The following CD99L2 variants were observed in gnomAD, a reference collection of about 807,000 sequenced individuals.
CD99L2 encodes the protein CD99 molecule like 2, also known as CD99 antigen-like protein 2.
In CD99L2, 24 loss-of-function variants were observed where a neutral mutation model predicts 27.3. The ratio of observed to expected loss-of-function variants is 0.88; its 90% CI spans 0.64 to 1.24. CD99L2 has a LOEUF of 1.24. Ranked by LOEUF, CD99L2 falls within the 50% of genes most tolerant of loss-of-function variation. The pLI is 0.00. For synonymous variants in CD99L2, 97 were observed against 87.9 expected (o/e 1.10, Z -0.58); for missense variants, 255 against 221.6 (o/e 1.15, Z -0.96).
chrX:150,771,652 G>C (rs1368806002), intron 9 of CD99L2, among the ~76,000 whole-genome samples: 1 of 112,380 alleles, frequency 8.9e-6, no homozygotes, highest in Non-Finnish European at 1.9e-5. Flanking sequence ...CACGCATCAG[G>C]GTAAGCTAAA....
At position 150,769,012 on chromosome X, in the gene CD99L2, T is replaced by C. The variant is rs782198378; in HGVS notation, c.*22A>G. On this transcript the variant is annotated 3_prime_UTR_variant, in exon 11 of 11. Coordinates refer to ENST00000370377, the MANE Select transcript of CD99L2 (RefSeq NM_031462.4). Reference sequence around the variant, plus strand: ...TGACAAGCGGTGGCACCATTGTGCATGCCTGCAGCTGGACAGGGCCCTCAG... The same window carrying C: ...TGACAAGCGGTGGCACCATTGTGCACGCCTGCAGCTGGACAGGGCCCTCAG... 3 of 1,139,977 alleles carry C rather than the reference T, an allele frequency of 2.6e-6. No individual in the cohort carries two copies. Among genetic ancestry groups the C allele is most frequent in the Non-Finnish European group, 3.4e-6 (3 of 870,217 alleles). 93.9% of individuals were successfully genotyped at this position (1,139,977 alleles called of 1,213,427 possible).
At chrX:150,863,554 G>C (rs2047011687) in intron 1 of CD99L2, among the ~76,000 whole-genome samples, 1 of 111,583 alleles carries the variant, frequency 9.0e-6, no homozygotes, top group African/African-American at 3.3e-5. Context: ...CTCATGATTG[G>C]GGCATGAGCA....
In CD99L2 at chrX:150,834,635, T is replaced by C. The variant is rs1386960927; in HGVS notation, c.68-3342A>G. 8.0e-5 allele frequency among the ~76,000 whole-genome samples: 9 copies of C among 112,519 alleles called. No individual in the cohort carries two copies. In the East Asian group the frequency reaches 2.5e-3, roughly 31 times the overall value. On this transcript the variant is annotated intron_variant, in intron 1 of 10. Transcript: ENST00000370377. ...ACACTTGCACAAGTTGTTAGGAATG[T>C]AAATTAGTATAGCCATTTTGGAGAA...
intron 2 of CD99L2, chrX:150,818,783 G>A (rs782805953): frequency 1.2e-4 from 36 of 293,977 alleles, no homozygotes; most frequent in Middle Eastern, 7.0e-4. Context: ...TGACACCGTC[G>A]CTGTCTAAGG....
intron 1 of CD99L2, among the ~76,000 whole-genome samples, chrX:150,861,979 A>T (rs1440652226): frequency 9.0e-6 from 1 of 110,866 alleles, no homozygotes. Flanking sequence ...AAAATCTAGA[A>T]GAAATGGATA....
At chrX:150,815,554 T>C (rs1296095409) in intron 3 of CD99L2, among the ~76,000 whole-genome samples, 13 of 111,916 alleles carry the variant, frequency 1.2e-4, no homozygotes, top group Admixed American at 4.7e-4. Context: ...AATCGTAAAG[T>C]GGCCCATCTG....
chrX:150,789,539 A>G (rs1021536626), intron 7 of CD99L2, among the ~76,000 whole-genome samples: 15 of 112,010 alleles, frequency 1.3e-4, no homozygotes. Context: ...TTCATAGAAC[A>G]AAAGTATAAA....
In CD99L2 at chrX:150,786,767, T is replaced by C. The variant is rs782335828; in HGVS notation, c.496+6924A>G. ...ATTGCTGGCTCAAATGGTAATTCTGTTTTAAGTTCTTTGAGAAATCACCAA... is the reference window on the plus strand; with the variant it reads ...ATTGCTGGCTCAAATGGTAATTCTGCTTTAAGTTCTTTGAGAAATCACCAA... On this transcript the variant is annotated intron_variant, in intron 7 of 10. Coordinates refer to ENST00000370377, the MANE Select transcript of CD99L2 (RefSeq NM_031462.4). Among the ~76,000 whole-genome samples, 7 of 112,219 alleles carry C rather than the reference T, an allele frequency of 6.2e-5. No homozygotes were observed. The East Asian group carries it at 2.0e-3, about 31-fold the overall frequency.
chrX:150,794,216 T>C (rs1007118458), intron 6 of CD99L2, among the ~76,000 whole-genome samples: 4 of 111,517 alleles, frequency 3.6e-5, no homozygotes, highest in Admixed American at 9.5e-5. Flanking sequence ...ACCCGTCTGT[T>C]GGTCATTCTC....
At chrX:150,883,402 G>A (rs782812131) in intron 1 of CD99L2, among the ~76,000 whole-genome samples, 3 of 111,043 alleles carry the variant, frequency 2.7e-5, no homozygotes, top group Non-Finnish European at 5.7e-5. Context: ...TTAAAGGAAT[G>A]TAACAGAAAA....
At chrX:150,827,211 C>T (rs868911228) in intron 2 of CD99L2, among the ~76,000 whole-genome samples, 21 of 111,143 alleles carry the variant, frequency 1.9e-4, no homozygotes, top group Middle Eastern at 4.7e-3. Flanking sequence ...GCACAACGTG[C>T]AGAGAAGAAC....
At chrX:150,793,854 G>C (rs990084659) in intron 6 of CD99L2, 98 bp from the exon 7 acceptor site, 1 of 677,137 alleles carries the variant, frequency 1.5e-6, no homozygotes. Flanking sequence ...ATGATTCCCA[G>C]TTCCACTTAA....
chrX:150,771,590 C>A (rs1274517897), intron 9 of CD99L2, among the ~76,000 whole-genome samples: 1 of 112,036 alleles, frequency 8.9e-6, no homozygotes, highest in Non-Finnish European at 1.9e-5. Context: ...CTCCCCCCAC[C>A]CCTGCCACAT....
chrX:150,894,302 A>G (rs1557422986), intron 1 of CD99L2, among the ~76,000 whole-genome samples: 1 of 111,856 alleles, frequency 8.9e-6, no homozygotes, highest in Non-Finnish European at 1.9e-5. Context: ...GCTCACTTGG[A>G]GCCAGGTGCC....
chrX:150,845,068 G>A (rs913748658), intron 1 of CD99L2, among the ~76,000 whole-genome samples: 1 of 112,228 alleles, frequency 8.9e-6, no homozygotes, highest in East Asian at 2.8e-4. Flanking sequence ...AAGTCACTTC[G>A]TTGATGAGTT....
At chrX:150,816,123 A>G in intron 2 of CD99L2, 45 bp from the exon 3 acceptor site, 1 of 1,129,892 alleles carries the variant, frequency 8.9e-7, no homozygotes, top group East Asian at 3.0e-5. Flanking sequence ...GTTTAGTAAC[A>G]AAACACAGCA....
chrX:150,847,930 C>T (rs781962950), intron 1 of CD99L2, among the ~76,000 whole-genome samples: 2 of 111,328 alleles, frequency 1.8e-5, no homozygotes, highest in African/African-American at 6.5e-5. Flanking sequence ...GCCACAAGCA[C>T]CATCCTCCTG....
intron 7 of CD99L2, among the ~76,000 whole-genome samples, chrX:150,784,057 G>A (rs1406991553): frequency 4.5e-5 from 5 of 111,533 alleles, no homozygotes; most frequent in Non-Finnish European, 9.4e-5. Flanking sequence ...CCCGAGCAAC[G>A]GAGTAGACAC....
At chrX:150,774,643 G>C (rs782313677) in intron 9 of CD99L2, among the ~76,000 whole-genome samples, 1 of 112,127 alleles carries the variant, frequency 8.9e-6, no homozygotes, top group South Asian at 3.7e-4. Context: ...ATGAAGGGCT[G>C]TGACTATGTA....
Sources: allele counts gnomAD v4.1 joint callset (sites outside exome capture counted in the v4.1 genomes callset), GRCh38; gene constraint gnomAD v4.1.1; transcripts MANE v1.5; gene names NCBI Gene and HGNC (gene_info 2026-07-23, HGNC 2026-07-21).